MAPRE1: variants seen among roughly 807,000 people sequenced by gnomAD.
MAPRE1 encodes the protein microtubule associated protein RP/EB family member 1.
MAPRE1 carries 5 observed loss-of-function variants against 32.1 expected under a neutral mutation model. The observed-to-expected ratio is 0.16, with a 90% CI of 0.08 to 0.33. MAPRE1 has a LOEUF of 0.33. Ranked by LOEUF, MAPRE1 falls within the 10% of genes least tolerant of loss-of-function variation. MAPRE1 has a pLI of 1.00. For missense variants in MAPRE1, 209 were observed against 327.2 expected, an observed-to-expected ratio of 0.64 and a Z score of 2.79; for synonymous variants, 122 against 118.9, an observed-to-expected ratio of 1.03 and a Z score of -0.17.
At chr20:32,821,525 G>A (rs1202393120) in intron 1 of MAPRE1, among the ~76,000 whole-genome samples, 1 of 152,192 alleles carries the variant, frequency 6.6e-6, no homozygotes, top group Non-Finnish European at 1.5e-5. Flanking sequence ...ACAGTTTTTG[G>A]CACAGAGGGA....
intron 2 of MAPRE1, among the ~76,000 whole-genome samples, chr20:32,830,982 C>T (rs1568878052): frequency 1.3e-5 from 2 of 152,112 alleles, no homozygotes; most frequent in African/African-American, 4.8e-5. Context: ...CGTCGGCCTC[C>T]CAAAGTGCTG....
intron 1 of MAPRE1, among the ~76,000 whole-genome samples, chr20:32,821,182 ATTG>A (rs979733520): frequency 6.6e-6 from 1 of 152,080 alleles, no homozygotes; most frequent in Non-Finnish European, 1.5e-5. Context: ...AGCCCGGCTA[ATTG>A]TTGTATTTTT....
intron 5 of MAPRE1, among the ~76,000 whole-genome samples, chr20:32,845,654 TTTA>T (rs1445034383): frequency 1.3e-5 from 2 of 152,208 alleles, no homozygotes; most frequent in African/African-American, 4.8e-5. Context: ...ATTTTTATTA[TTTA>T]TTTTTTAAAA....
chr20:32,846,294 TTA>T (rs1983503833), intron 5 of MAPRE1, among the ~76,000 whole-genome samples: 1 of 152,226 alleles, frequency 6.6e-6, no homozygotes, highest in South Asian at 2.1e-4. Flanking sequence ...AGGACTCAGT[TTA>T]TGATTGTCAG....
At chr20:32,836,910 A>T (rs1601167338) in intron 4 of MAPRE1, 69 bp downstream of exon 4, 1 of 1,398,186 alleles carries the variant, frequency 7.2e-7, no homozygotes, top group Non-Finnish European at 9.8e-7. Flanking sequence ...TTCAACTAGA[A>T]TTTTTTTCAG....
chr20:32,835,892 C>T (rs535210641), intron 3 of MAPRE1, among the ~76,000 whole-genome samples: 120 of 152,216 alleles, frequency 7.9e-4, no homozygotes, highest in African/African-American at 2.8e-3. Flanking sequence ...AGGTGTGAGC[C>T]ACCACGCCCG....
At chr20:32,823,408 G>A (rs1022327748) in intron 1 of MAPRE1, among the ~76,000 whole-genome samples, 2 of 152,016 alleles carry the variant, frequency 1.3e-5, no homozygotes, top group African/African-American at 4.8e-5. Context: ...GCTGTCTTAT[G>A]AAATGAAGAA....
intron 4 of MAPRE1, among the ~76,000 whole-genome samples, chr20:32,837,695 A>G (rs1983239130): frequency 6.6e-6 from 1 of 152,216 alleles, no homozygotes; most frequent in African/African-American, 2.4e-5. Flanking sequence ...TTATATTTTT[A>G]TATTTAAAGT....
intron 4 of MAPRE1, among the ~76,000 whole-genome samples, chr20:32,838,455 G>A (rs1300869520): frequency 6.6e-6 from 1 of 152,016 alleles, no homozygotes; most frequent in Non-Finnish European, 1.5e-5. Flanking sequence ...GTTCATATAC[G>A]GCTTCTGTGT....
chr20:32,828,524 C>T (rs1982932113), intron 2 of MAPRE1, among the ~76,000 whole-genome samples: 1 of 152,242 alleles, frequency 6.6e-6, no homozygotes, highest in Non-Finnish European at 1.5e-5. Context: ...CTTCAGTCTG[C>T]TCTGAGCCAT....
chr20:32,821,898 A>C (rs1982713860), intron 1 of MAPRE1, among the ~76,000 whole-genome samples: 1 of 152,140 alleles, frequency 6.6e-6, no homozygotes, highest in African/African-American at 2.4e-5. Flanking sequence ...AAGCCTTGTA[A>C]GGGTGAGATT....
intron 3 of MAPRE1, among the ~76,000 whole-genome samples, chr20:32,835,816 G>A (rs553081551): frequency 6.6e-5 from 10 of 152,142 alleles, no homozygotes; most frequent in African/African-American, 2.4e-4. Context: ...ATATTGGCCA[G>A]GCTGGTCTCG....
chr20:32,839,686 GTTT>G, intron 4 of MAPRE1, 46 bp from the exon 5 acceptor site: 1 of 1,602,238 alleles, frequency 6.2e-7, no homozygotes, highest in South Asian at 1.1e-5. Context: ...TTTTTTGTTT[GTTT>G]GGGCTGGAAT....
chr20:32,842,713 A>T (rs1983398102), intron 5 of MAPRE1, among the ~76,000 whole-genome samples: 1 of 152,340 alleles, frequency 6.6e-6, no homozygotes, highest in Non-Finnish European at 1.5e-5. Flanking sequence ...GTACCAAGGC[A>T]TGGGAGATCT....
intron 5 of MAPRE1, among the ~76,000 whole-genome samples, chr20:32,842,032 T>C (rs8121782): frequency 0.062 from 9,499 of 152,020 alleles, 298 homozygotes; most frequent in African/African-American, 0.077. Context: ...TGAAATAATA[T>C]GCGTAAATGG....
In MAPRE1 at chr20:32,826,014, G is replaced by A. The variant is rs767547874; in HGVS notation, c.87G>A (p.Gln29=). ...DMLAWINESL[Q]LNLTKIEQLC... ...TGGCCTGGATCAATGAGTCTCTGCA[G>A]TTGAATCTGACAAAGATCGAACAGT... The change falls in exon 2 of 7, where the codon CAG becomes CAA. Residue 29 remains glutamine, a synonymous_variant. Transcript: ENST00000375571. The A allele has an allele frequency of 3.1e-6, 5 of 1,608,822 alleles. No homozygotes were observed. Among genetic ancestry groups the A allele is most frequent in the East Asian group, 4.5e-5 (2 of 44,808 alleles).
chr20:32,820,910 A>T (rs1982679379), intron 1 of MAPRE1, among the ~76,000 whole-genome samples: 1 of 152,146 alleles, frequency 6.6e-6, no homozygotes, highest in Non-Finnish European at 1.5e-5. Context: ...TAGTAATGAT[A>T]ATAGCAGCTC....
chr20:32,834,455 C>A (rs967410498), intron 3 of MAPRE1, among the ~76,000 whole-genome samples: 2 of 151,908 alleles, frequency 1.3e-5, no homozygotes, highest in African/African-American at 4.8e-5. Context: ...ACAAATATTA[C>A]CTCTGTTTTA....
chr20:32,832,846 G>T (rs566674702), intron 2 of MAPRE1, among the ~76,000 whole-genome samples: 6 of 134,378 alleles, frequency 4.5e-5, no homozygotes, highest in Admixed American at 1.6e-4. Context: ...CAGTGCAGTG[G>T]CCTGAGAGAA....
Sources: allele counts gnomAD v4.1 joint callset (sites outside exome capture counted in the v4.1 genomes callset), GRCh38; gene constraint gnomAD v4.1.1; transcripts MANE v1.5; gene names NCBI Gene and HGNC (gene_info 2026-07-23, HGNC 2026-07-21).